Variants in PI3 observed in about 807,000 individuals in gnomAD.
The protein encoded by PI3 is peptidase inhibitor 3.
A neutral mutation model predicts 6.0 loss-of-function variants in PI3; 4 were observed. That is an observed-to-expected ratio of 0.67 (90% CI 0.33 to 1.54). PI3 has a LOEUF of 1.54. Ranked by LOEUF, PI3 falls within the 40% of genes most tolerant of loss-of-function variation. The probability of loss-of-function intolerance (pLI) is 0.06; values close to 1 mark genes in which losing one functional copy is unlikely to be tolerated. For synonymous variants in PI3, 58 were observed against 56.9 expected (o/e 1.02, Z -0.09); for missense variants, 149 against 147.6 (o/e 1.01, Z -0.05).
chr20:45,176,261 G>T, intron 2 of PI3, 109 bp from the exon 3 acceptor site: 1 of 871,278 alleles, frequency 1.1e-6, no homozygotes, highest in Non-Finnish European at 1.8e-6. Flanking sequence ...GAGACTGAGG[G>T]GTCTGAGAGG....
At position 45,176,100 on chromosome 20, in the gene PI3, G is replaced by A; in HGVS notation, c.319G>A (p.Gly107Ser). 6.2e-7 allele frequency: 1 copy of A among 1,614,186 alleles called. No individual in the cohort carries two copies. The highest frequency in any genetic ancestry group is 8.5e-7 in the Non-Finnish European group (1 of 1,180,024). Reference protein sequence around the residue: ...DCPGIKKCCEGSCGMACFVPQ With the variant: ...DCPGIKKCCESSCGMACFVPQ ...CCCAGGAATCAAGAAGTGCTGTGAAGGCTCTTGCGGGATGGCCTGTTTCGT... is the reference window on the plus strand; with the variant it reads ...CCCAGGAATCAAGAAGTGCTGTGAAAGCTCTTGCGGGATGGCCTGTTTCGT... Residue 107 changes from glycine to serine, a missense_variant, in exon 2 of 3, where the codon GGC becomes AGC. Coordinates refer to ENST00000243924, the MANE Select transcript of PI3 (RefSeq NM_002638.4).
intron 1 of PI3, 110 bp downstream of exon 1, chr20:45,175,111 C>A: frequency 1.5e-6 from 1 of 655,956 alleles, no homozygotes; most frequent in Non-Finnish European, 2.5e-6. Flanking sequence ...CACTGGAGCC[C>A]AGATTTCAGC....
chr20:45,175,009 A>G lies in PI3; in HGVS notation c.79+8A>G, dbSNP rs543055016. The G allele has an allele frequency of 1.9e-6, 3 of 1,608,886 alleles. No homozygotes were observed. The highest frequency in any genetic ancestry group is 2.7e-5 in the African/African-American group (2 of 74,892). On this transcript the variant is annotated splice_region_variant and intron_variant, in intron 1 of 2. Transcript: ENST00000243924. ...AGGCAGCTGTCACGGGAGGTGAGTG[A>G]ACAGGTGACCTGCTGGGCTGGGTTG...
rs751190814 is a variant in PI3, at chr20:45,175,919, C to T, written c.138C>T (p.Pro46=). 13 of 1,614,100 alleles carry T rather than the reference C, an allele frequency of 8.1e-6. No homozygotes were observed. The highest frequency in any genetic ancestry group is 7.7e-5 in the South Asian group (7 of 91,070). The change falls in exon 2 of 3, where the codon CCC becomes CCT. Residue 46 remains proline, a synonymous_variant. Coordinates refer to ENST00000243924, the MANE Select transcript of PI3 (RefSeq NM_002638.4). The part of the protein sequence containing the change: ...KGRVPFNGQD[P]VKGQVSVKGQ... Reference sequence around the variant, plus strand: ...GTGTTCCATTCAATGGACAAGATCCCGTTAAAGGACAAGTTTCAGTTAAAG... The same window carrying T: ...GTGTTCCATTCAATGGACAAGATCCTGTTAAAGGACAAGTTTCAGTTAAAG...
At position 45,176,101 on chromosome 20, in the gene PI3, G is replaced by C. The variant is rs565713201; in HGVS notation, c.320G>C (p.Gly107Ala). 1 of 1,614,148 alleles carries C rather than the reference G, an allele frequency of 6.2e-7. No homozygotes were observed. Among genetic ancestry groups the C allele is most frequent in the African/African-American group, 1.3e-5 (1 of 75,032 alleles). Residue 107 changes from glycine (G) to alanine (A), a missense_variant, in exon 2 of 3, where the codon GGC becomes GCC. Coordinates refer to ENST00000243924, the MANE Select transcript of PI3 (RefSeq NM_002638.4). ...DCPGIKKCCEGSCGMACFVPQ is the reference protein window; with the variant it reads ...DCPGIKKCCEASCGMACFVPQ ...CCAGGAATCAAGAAGTGCTGTGAAGGCTCTTGCGGGATGGCCTGTTTCGTT... is the reference window on the plus strand; with the variant it reads ...CCAGGAATCAAGAAGTGCTGTGAAGCCTCTTGCGGGATGGCCTGTTTCGTT...
Position 45,176,241 on chromosome 20 carries a change from G to A in PI3, c.*1+105G>A. 6 of 1,112,840 alleles carry A rather than the reference G, an allele frequency of 5.4e-6. No homozygotes were observed. The South Asian group carries it at 8.5e-5, about 16-fold the overall frequency. The allele number at this position is 1,112,840 out of a possible 1,614,324, so 68.9% of individuals were successfully genotyped here. On this transcript the variant is annotated intron_variant, in intron 2 of 2. Transcript: ENST00000243924. ...GGGAGGGAGGTTGTGGGAGGTGACAGAAAGACTGGGAGACTGAGGGGTCTG... is the reference window on the plus strand; with the variant it reads ...GGGAGGGAGGTTGTGGGAGGTGACAAAAAGACTGGGAGACTGAGGGGTCTG...
rs17424474 is a variant in PI3 at position 45,176,156 on chromosome 20, C to T, written c.*1+20C>T. The T allele has an allele frequency of 2.2e-5, 35 of 1,612,270 alleles. No homozygotes were observed. Among genetic ancestry groups the T allele is most frequent in the East Asian group, 4.5e-5 (2 of 44,852 alleles). ...AGTGAGGTGAGCACTAGCTGGAGAA[C>T]GAGGAGACCCCTGAAGACACAAAAG... On this transcript the variant is annotated intron_variant, in intron 2 of 2. Coordinates refer to ENST00000243924, the MANE Select transcript of PI3 (RefSeq NM_002638.4).
chr20:45,175,830 A>T, intron 1 of PI3, 31 bp from the exon 2 acceptor site: 1 of 1,610,872 alleles, frequency 6.2e-7, no homozygotes, highest in Non-Finnish European at 8.5e-7. Context: ...CTTACTGGGT[A>T]TAAATGTGGG....
At chr20:45,175,350 G>A (rs1313043470) in intron 1 of PI3, among the ~76,000 whole-genome samples, 1 of 152,152 alleles carries the variant, frequency 6.6e-6, no homozygotes, top group African/African-American at 2.4e-5. Flanking sequence ...CCCCATAAAA[G>A]CACTGGAGTA....
chr20:45,175,179 G>A lies in PI3; in HGVS notation c.79+178G>A, dbSNP rs74790465. 2.1e-3 allele frequency among the ~76,000 whole-genome samples: 321 copies of A among 152,334 alleles called. 1 individual carries two copies. Among genetic ancestry groups the A allele is most frequent in the African/African-American group, 7.2e-3 (301 of 41,572 alleles). ...TAGGACTTTGGCTGGTGGACTCCAC[G>A]TGCTTTCCACCTCAGTGACTGAGAT... On this transcript the variant is annotated intron_variant, in intron 1 of 2. Transcript: ENST00000243924.
In PI3 at chr20:45,176,124, G is replaced by A. The variant is rs202187370; in HGVS notation, c.343G>A (p.Val115Ile). The A allele has an allele frequency of 3.9e-5, 63 of 1,614,032 alleles. No individual in the cohort carries two copies. Among genetic ancestry groups the A allele is most frequent in the East Asian group, 4.5e-5 (2 of 44,866 alleles). ...CEGSCGMACFVPQ is the reference protein window; with the variant it reads ...CEGSCGMACFIPQ ...AGGCTCTTGCGGGATGGCCTGTTTC[G>A]TTCCCCAGTGAGGTGAGCACTAGCT... Residue 115 changes from valine (V) to isoleucine (I), a missense_variant, in exon 2 of 3, where the codon GTT (valine) becomes ATT (isoleucine). Val to Ile is a conservative substitution (Grantham distance 29). Coordinates refer to ENST00000243924, the MANE Select transcript of PI3 (RefSeq NM_002638.4).
chr20:45,175,912 A>T lies in PI3; in HGVS notation c.131A>T (p.Gln44Leu). 1 of 1,614,158 alleles carries T rather than the reference A, an allele frequency of 6.2e-7. No homozygotes were observed. The highest frequency in any genetic ancestry group is 8.5e-7 in the Non-Finnish European group (1 of 1,179,976). Residue 44 changes from glutamine (Q) to leucine (L), a missense_variant, in exon 2 of 3, where the codon CAA (glutamine) becomes CTA (leucine). Gln to Leu is a moderately radical substitution (Grantham distance 113). Transcript: ENST00000243924. ...TVKGRVPFNG[Q>L]DPVKGQVSVK... The stretch of plus-strand genomic sequence containing the variant: ...AAAGGCCGTGTTCCATTCAATGGAC[A>T]AGATCCCGTTAAAGGACAAGTTTCA...
intron 1 of PI3, 152 bp downstream of exon 1, chr20:45,175,153 A>G: frequency 3.6e-6 from 2 of 550,284 alleles, no homozygotes; most frequent in Non-Finnish European, 3.2e-6. Context: ...TTCAGAAAAA[A>G]TAGGACTTTG....
At chr20:45,175,177 AC>A (rs2081717653) in intron 1 of PI3, among the ~76,000 whole-genome samples, 176 bp downstream of exon 1, 1 of 152,212 alleles carries the variant, frequency 6.6e-6, no homozygotes. Context: ...GGTGGACTCC[AC>A]GTGCTTTCCA....
At chr20:45,175,783 C>G (rs1982777647) in intron 1 of PI3, 78 bp from the exon 2 acceptor site, 13 of 1,500,486 alleles carry the variant, frequency 8.7e-6, no homozygotes, top group South Asian at 4.9e-5. Flanking sequence ...TGGATGGACC[C>G]AGACCCAGAG....
chr20:45,175,042 G>C, intron 1 of PI3, 41 bp downstream of exon 1: 2 of 1,541,510 alleles, frequency 1.3e-6, no homozygotes, highest in Non-Finnish European at 1.8e-6. Context: ...TTGGACTAAG[G>C]GGAGACCCTC....
intron 2 of PI3, 101 bp downstream of exon 2, chr20:45,176,237 G>A (rs994798204): frequency 6.8e-6 from 8 of 1,180,360 alleles, no homozygotes; most frequent in Admixed American, 2.0e-5. Flanking sequence ...TGTGGGAGGT[G>A]ACAGAAAGAC....
chr20:45,176,506 C>T lies in PI3; in HGVS notation c.*138C>T, dbSNP rs1476389496. 1 of 236,278 alleles carries T rather than the reference C, an allele frequency of 4.2e-6. No homozygotes were observed. Among genetic ancestry groups the T allele is most frequent in the African/African-American group, 2.3e-5 (1 of 44,398 alleles). 14.6% of individuals were successfully genotyped at this position (236,278 alleles called of 1,614,324 possible). On this transcript the variant is annotated 3_prime_UTR_variant, in exon 3 of 3. Coordinates refer to ENST00000243924, the MANE Select transcript of PI3 (RefSeq NM_002638.4). ...AGGATGCCCACGGCTGGAGCTGCCT[C>T]TCTCATCCACTTTCCAATAAAGAGT...
Position 45,175,971 on chromosome 20 carries a change from C to T in PI3, c.190C>T (p.Pro64Ser), listed in dbSNP as rs765657721. The change falls in exon 2 of 3, where the codon CCA (proline) becomes TCA (serine). Residue 64 changes from proline (P) to serine (S), a missense_variant. Pro to Ser is a moderately conservative substitution (Grantham distance 74, BLOSUM62 -1). Coordinates refer to ENST00000243924, the MANE Select transcript of PI3 (RefSeq NM_002638.4). ...TCAAGATAAAGTCAAAGCGCAAGAG[C>T]CAGTCAAAGGTCCAGTCTCCACTAA... ...KGQDKVKAQE[P>S]VKGPVSTKPG... 3 of 1,614,188 alleles carry T rather than the reference C, an allele frequency of 1.9e-6. No individual in the cohort carries two copies. The highest frequency in any genetic ancestry group is 1.7e-6 in the Non-Finnish European group (2 of 1,180,024).
Sources: allele counts gnomAD v4.1 joint callset (sites outside exome capture counted in the v4.1 genomes callset), GRCh38; gene constraint gnomAD v4.1.1; transcripts MANE v1.5; gene names NCBI Gene and HGNC (gene_info 2026-07-23, HGNC 2026-07-21).